Variants in PRKCE observed in about 807,000 individuals in gnomAD.
The protein encoded by PRKCE is protein kinase C epsilon type.
In PRKCE, 16 loss-of-function variants were observed where a neutral mutation model predicts 85.4. The observed-to-expected ratio is 0.19, with a 90% CI of 0.13 to 0.28. The LOEUF is 0.28. Among genes scored for constraint, PRKCE ranks in the 10% least tolerant of loss-of-function variants. The pLI is 1.00. For missense variants in PRKCE, 573 were observed against 975.2 expected (o/e 0.59, Z 5.49); for synonymous variants, 388 against 371.5 (o/e 1.04, Z -0.51).
At chr2:45,801,667 A>G (rs1221949912) in intron 1 of PRKCE, among the ~76,000 whole-genome samples, 1 of 152,126 alleles carries the variant, frequency 6.6e-6, no homozygotes, top group African/African-American at 2.4e-5. Flanking sequence ...CCAGCTAGAG[A>G]GGAGGCTGAG....
intron 6 of PRKCE, among the ~76,000 whole-genome samples, chr2:45,991,622 G>A (rs973855660): frequency 2.0e-5 from 3 of 152,052 alleles, no homozygotes; most frequent in Non-Finnish European, 2.9e-5. Flanking sequence ...GTGTGTTGTC[G>A]CCATTTTAAT....
In PRKCE at chr2:45,751,350, A is replaced by G. The variant is rs529642130; in HGVS notation, c.349-91650A>G. 2.0e-5 allele frequency among the ~76,000 whole-genome samples: 3 copies of G among 152,342 alleles called. No homozygotes were observed. In the South Asian group the frequency reaches 6.2e-4, roughly 32 times the overall value. ...CCATCTGGTAATTGTTCAATATGTT[A>G]TCACATCATTATATAATTATATTAG... On this transcript the variant is annotated intron_variant, in intron 1 of 14. Transcript: ENST00000306156.
chr2:46,154,547 C>A (rs1677012006), intron 13 of PRKCE, among the ~76,000 whole-genome samples: 1 of 150,364 alleles, frequency 6.7e-6, no homozygotes, highest in African/African-American at 2.5e-5. Flanking sequence ...TGGAGCCTCC[C>A]AGCCACATTC....
chr2:46,157,630 G>A (rs937016612), intron 13 of PRKCE, among the ~76,000 whole-genome samples: 2 of 152,316 alleles, frequency 1.3e-5, no homozygotes, highest in East Asian at 1.9e-4. Context: ...TAACCAGTTC[G>A]TGAGGGTGAG....
chr2:46,077,584 C>T (rs1310920148), intron 10 of PRKCE, among the ~76,000 whole-genome samples: 1 of 152,064 alleles, frequency 6.6e-6, no homozygotes, highest in East Asian at 1.9e-4. Flanking sequence ...TTGTGTATGG[C>T]TTTGAACAAT....
chr2:45,837,498 C>T (rs986655574), intron 1 of PRKCE, among the ~76,000 whole-genome samples: 3 of 152,156 alleles, frequency 2.0e-5, no homozygotes, highest in Non-Finnish European at 2.9e-5. Flanking sequence ...CTCAAGTGGT[C>T]CACCTGCCTC....
chr2:46,070,392 C>T (rs1667976066), intron 10 of PRKCE, among the ~76,000 whole-genome samples: 1 of 152,154 alleles, frequency 6.6e-6, no homozygotes, highest in Non-Finnish European at 1.5e-5. Flanking sequence ...GCCTGTAATC[C>T]CAGCACTTGT....
intron 10 of PRKCE, among the ~76,000 whole-genome samples, chr2:46,053,684 C>T (rs1050658293): frequency 6.6e-6 from 1 of 152,142 alleles, no homozygotes; most frequent in Non-Finnish European, 1.5e-5. Context: ...TCATAATTTC[C>T]TTTCATCTTA....
intron 10 of PRKCE, among the ~76,000 whole-genome samples, chr2:46,026,623 C>T (rs913879471): frequency 1.3e-5 from 2 of 151,972 alleles, no homozygotes; most frequent in Non-Finnish European, 1.5e-5. Context: ...ATGAATTGGT[C>T]GATTTGCTGT....
intron 2 of PRKCE, among the ~76,000 whole-genome samples, chr2:45,882,949 G>A (rs1032293233): frequency 2.0e-5 from 3 of 152,244 alleles, no homozygotes; most frequent in Non-Finnish European, 4.4e-5. Flanking sequence ...GGCTTGACAC[G>A]TGTTCATCTG....
At chr2:46,111,052 G>GT (rs1672207238) in intron 11 of PRKCE, among the ~76,000 whole-genome samples, 1 of 152,036 alleles carries the variant, frequency 6.6e-6, no homozygotes, top group Non-Finnish European at 1.5e-5. Context: ...TGATCTGAAA[G>GT]TTTTTTGTCA....
chr2:46,157,624 C>T (rs1677343711), intron 13 of PRKCE, among the ~76,000 whole-genome samples: 1 of 152,176 alleles, frequency 6.6e-6, no homozygotes, highest in African/African-American at 2.4e-5. Flanking sequence ...ACCGGTTAAC[C>T]AGTTCGTGAG....
intron 1 of PRKCE, among the ~76,000 whole-genome samples, chr2:45,698,364 T>G (rs758992946): frequency 6.6e-6 from 1 of 151,790 alleles, no homozygotes; most frequent in Non-Finnish European, 1.5e-5. Context: ...AAATTTCCAG[T>G]TGGGGGTGAA....
At chr2:45,729,198 A>G (rs899695424) in intron 1 of PRKCE, among the ~76,000 whole-genome samples, 2 of 152,176 alleles carry the variant, frequency 1.3e-5, no homozygotes, top group South Asian at 4.1e-4. Context: ...CACGTCACTT[A>G]TACCAGGATC....
intron 14 of PRKCE, among the ~76,000 whole-genome samples, chr2:46,179,628 A>G (rs1679774776): frequency 6.6e-6 from 1 of 152,188 alleles, no homozygotes; most frequent in Non-Finnish European, 1.5e-5. Flanking sequence ...CAAAGTCCCT[A>G]AACATATCTG....
At chr2:46,143,139 C>A (rs1432322181) in intron 11 of PRKCE, among the ~76,000 whole-genome samples, 1 of 152,108 alleles carries the variant, frequency 6.6e-6, no homozygotes, top group Non-Finnish European at 1.5e-5. Context: ...GGGTAGTTGC[C>A]ACATGTGCTC....
At chr2:45,935,352 A>AC (rs1699365131) in intron 2 of PRKCE, among the ~76,000 whole-genome samples, 1 of 151,956 alleles carries the variant, frequency 6.6e-6, no homozygotes, top group Non-Finnish European at 1.5e-5. Flanking sequence ...AAGAAAATAA[A>AC]CCCCCTCCTC....
chr2:45,819,020 C>T (rs765063236), intron 1 of PRKCE, among the ~76,000 whole-genome samples: 6 of 152,100 alleles, frequency 3.9e-5, no homozygotes, highest in Non-Finnish European at 8.8e-5. Flanking sequence ...GTGGAGCCTC[C>T]TGAGACAGGA....
Position 45,885,002 on chromosome 2 carries a change from T to TATTTTTTTTTTTTTTG in PRKCE, c.412+41939_412+41940insATTTTTTTTTTTTTTG, listed in dbSNP as rs1553440407. ...ATATATATATATATATATATATATATTTGTTGTTGTTGTTGTTGTTTTACC... is the reference window on the plus strand; with the variant it reads ...ATATATATATATATATATATATATATATTTTTTTTTTTTTTGTTGTTGTTGTTGTTGTTGTTTTACC... On this transcript the variant is annotated intron_variant, in intron 2 of 14. Coordinates refer to ENST00000306156, the MANE Select transcript of PRKCE (RefSeq NM_005400.3). Among the ~76,000 whole-genome samples the TATTTTTTTTTTTTTTG allele has an allele frequency of 5.1e-5, 5 of 97,642 alleles. 1 individual carries two copies. Among genetic ancestry groups the TATTTTTTTTTTTTTTG allele is most frequent in the East Asian group, 5.8e-4 (2 of 3,476 alleles). The allele number at this position is 97,642 out of a possible 152,430, so 64.1% of individuals were successfully genotyped here. A position where few individuals can be genotyped will look rare whatever the true frequency, so the allele number is the denominator to read the frequency against.
Sources: allele counts gnomAD v4.1 joint callset (sites outside exome capture counted in the v4.1 genomes callset), GRCh38; gene constraint gnomAD v4.1.1; transcripts MANE v1.5; gene names NCBI Gene and HGNC (gene_info 2026-07-23, HGNC 2026-07-21).